The following OPCML variants were observed in gnomAD, a reference collection of about 807,000 sequenced individuals.
The protein encoded by OPCML is opioid-binding protein/cell adhesion molecule.
Under a neutral mutation model 37.8 loss-of-function variants are expected in OPCML, and 13 were observed. That is an observed-to-expected ratio of 0.34 (90% CI 0.22 to 0.55). The LOEUF is 0.55. Ranked by LOEUF, OPCML falls within the 20% of genes least tolerant of loss-of-function variation. The pLI, the probability that OPCML is intolerant of heterozygous loss-of-function variation, is 0.91. For synonymous variants in OPCML, 176 were observed against 168.8 expected (o/e 1.04, Z -0.33); for missense variants, 341 against 435.6 (o/e 0.78, Z 1.93).
intron 2 of OPCML, among the ~76,000 whole-genome samples, chr11:132,663,441 T>C (rs567599313): frequency 4.6e-5 from 7 of 152,248 alleles, no homozygotes; most frequent in African/African-American, 1.7e-4. Flanking sequence ...TGTATATTTT[T>C]CAATTTAGTG....
chr11:132,766,337 G>A (rs1946442814), intron 2 of OPCML, among the ~76,000 whole-genome samples: 1 of 152,254 alleles, frequency 6.6e-6, no homozygotes, highest in Non-Finnish European at 1.5e-5. Flanking sequence ...ACTAATCTCA[G>A]AAAAATGGTA....
intron 4 of OPCML, among the ~76,000 whole-genome samples, chr11:132,446,573 T>C (rs2096055849): frequency 1.3e-5 from 2 of 152,188 alleles, no homozygotes; most frequent in African/African-American, 2.4e-5. Flanking sequence ...TATTTTTACA[T>C]AGTAGAGCTT....
intron 4 of OPCML, among the ~76,000 whole-genome samples, chr11:132,524,440 C>T (rs2096302634): frequency 6.6e-6 from 1 of 152,094 alleles, no homozygotes; most frequent in Non-Finnish European, 1.5e-5. Flanking sequence ...ACACAAGTAC[C>T]ATACCCTCTA....
intron 1 of OPCML, among the ~76,000 whole-genome samples, chr11:133,083,344 C>T (rs1302796405): frequency 1.3e-5 from 2 of 152,142 alleles, no homozygotes; most frequent in Non-Finnish European, 2.9e-5. Flanking sequence ...CGACCGCATG[C>T]GTGTGTGCTC....
chr11:133,177,788 G>C lies in OPCML; in HGVS notation c.62-234778C>G, dbSNP rs1446227901. On this transcript the variant is annotated intron_variant, in intron 1 of 7. Coordinates refer to ENST00000524381, the MANE Select transcript of OPCML (RefSeq NM_001012393.5). This position sits in a 1 kb window ranked among gnomAD's most constrained non-coding sequence, Gnocchi z 5.0. ...TCGGCCCCACACACTCACCGAAATG[G>C]CTCCAAAATTTGATATCAAAGCATC... is the stretch of plus-strand genomic sequence containing the variant. Among the ~76,000 whole-genome samples, 2 of 152,088 alleles carry C rather than the reference G, an allele frequency of 1.3e-5. No individual in the cohort carries two copies. The highest frequency in any genetic ancestry group is 2.9e-5 in the Non-Finnish European group (2 of 68,020).
chr11:132,782,927 A>ATATATATATATATG (rs1565860322), intron 2 of OPCML, among the ~76,000 whole-genome samples: 29 of 146,128 alleles, frequency 2.0e-4, no homozygotes, highest in Non-Finnish European at 4.2e-4. Context: ...GTATATATAT[A>ATATATATATATATG]TATATATATA....
At chr11:133,160,260 C>A (rs1950123530) in intron 1 of OPCML, among the ~76,000 whole-genome samples, 1 of 152,188 alleles carries the variant, frequency 6.6e-6, no homozygotes, top group Admixed American at 6.5e-5. Flanking sequence ...CAACCATTCC[C>A]ACAGCCTTGG....
chr11:132,552,656 C>A (rs1391964911), intron 3 of OPCML, among the ~76,000 whole-genome samples: 1 of 151,806 alleles, frequency 6.6e-6, no homozygotes, highest in African/African-American at 2.4e-5. Context: ...TATCTACTTT[C>A]TTTCCACTTA....
intron 2 of OPCML, among the ~76,000 whole-genome samples, chr11:132,791,505 G>A (rs1179414333): frequency 6.6e-6 from 1 of 152,108 alleles, no homozygotes. Context: ...ATAGGGGACT[G>A]GCCTTGAAAA....
At chr11:132,600,727 T>C (rs1937806011) in intron 3 of OPCML, among the ~76,000 whole-genome samples, 1 of 151,962 alleles carries the variant, frequency 6.6e-6, no homozygotes, top group African/African-American at 2.4e-5. Flanking sequence ...CAGGTTATTA[T>C]AACAGGTAAA....
chr11:133,484,014 CAAAT>C (rs1414525704), intron 1 of OPCML, among the ~76,000 whole-genome samples: 2 of 144,426 alleles, frequency 1.4e-5, no homozygotes, highest in African/African-American at 2.6e-5. Flanking sequence ...GATAGATAGA[CAAAT>C]AGATGGACAG....
chr11:133,319,636 C>T (rs975784337), intron 1 of OPCML, among the ~76,000 whole-genome samples: 2 of 152,212 alleles, frequency 1.3e-5, no homozygotes, highest in Non-Finnish European at 2.9e-5. Context: ...TCTCGGCCCT[C>T]GTCTGCCACA....
At chr11:132,607,126 C>T (rs1206445284) in intron 3 of OPCML, among the ~76,000 whole-genome samples, 1 of 152,230 alleles carries the variant, frequency 6.6e-6, no homozygotes, top group East Asian at 1.9e-4. Flanking sequence ...CCAGTAGGTG[C>T]CCAGCAAATG....
intron 2 of OPCML, among the ~76,000 whole-genome samples, chr11:132,890,571 G>T (rs1430213957): frequency 6.6e-6 from 1 of 151,778 alleles, no homozygotes; most frequent in Non-Finnish European, 1.5e-5. Flanking sequence ...AATGGGCCAG[G>T]CACGGTGGCT....
chr11:133,041,729 T>C (rs1042060562), intron 1 of OPCML, among the ~76,000 whole-genome samples: 3 of 152,196 alleles, frequency 2.0e-5, no homozygotes, highest in East Asian at 3.9e-4. Context: ...TACAGCTTTA[T>C]GAATTAAGAA....
intron 1 of OPCML, among the ~76,000 whole-genome samples, chr11:133,451,253 C>T (rs1946575419): frequency 1.3e-5 from 2 of 151,630 alleles, no homozygotes; most frequent in African/African-American, 4.9e-5. Flanking sequence ...GAGAGAAAAA[C>T]CACTACCTGA....
chr11:133,140,677 A>AGAAGAAG (rs1409160146), intron 1 of OPCML, among the ~76,000 whole-genome samples: 1 of 115,650 alleles, frequency 8.6e-6, no homozygotes, highest in African/African-American at 3.0e-5. Flanking sequence ...AAAAGAAGAA[A>AGAAGAAG]GAAGAAAGAT....
intron 2 of OPCML, among the ~76,000 whole-genome samples, chr11:132,933,596 A>G (rs992119196): frequency 4.6e-5 from 7 of 152,064 alleles, no homozygotes; most frequent in African/African-American, 7.2e-5. Flanking sequence ...GTGTGTGAGA[A>G]AGAGAGAGAA....
chr11:132,947,750 G>A (rs549143066), intron 1 of OPCML, among the ~76,000 whole-genome samples: 1 of 152,300 alleles, frequency 6.6e-6, no homozygotes, highest in South Asian at 2.1e-4. Context: ...GGCCCCTAGT[G>A]AAACCCTCTT....
Sources: allele counts gnomAD v4.1 joint callset (sites outside exome capture counted in the v4.1 genomes callset), GRCh38; gene constraint gnomAD v4.1.1; non-coding constraint Gnocchi (gnomAD v3.1); transcripts MANE v1.5; gene names NCBI Gene and HGNC (gene_info 2026-07-23, HGNC 2026-07-21).